The following RELL1 variants were observed in gnomAD, a reference collection of about 807,000 sequenced individuals.
RELL1 encodes RELT like 1, also known as RELT-like protein 1.
RELL1 carries 10 observed loss-of-function variants against 23.0 expected under a neutral mutation model. The ratio of observed to expected loss-of-function variants is 0.43; its 90% confidence interval spans 0.27 to 0.74. The LOEUF (loss-of-function observed/expected upper bound fraction) is 0.74, where lower values mean the gene tolerates loss of function less well. Ranked by LOEUF, RELL1 falls within the 30% of genes least tolerant of loss-of-function variation. The pLI, the probability that RELL1 is intolerant of heterozygous loss-of-function variation, is 0.19. For synonymous variants in RELL1, 146 were observed against 146.8 expected, an observed-to-expected ratio of 0.99 and a Z score of 0.04; for missense variants, 315 against 364.4, an observed-to-expected ratio of 0.86 and a Z score of 1.10.
intron 6 of RELL1, among the ~76,000 whole-genome samples, chr4:37,596,808 G>A (rs1386727327): frequency 7.7e-6 from 1 of 130,688 alleles, no homozygotes; most frequent in African/African-American, 2.9e-5. Context: ...GAGTGCAATG[G>A]CACGATCTTG....
chr4:37,605,818 A>AG (rs1236282094), downstream of RELL1, among the ~76,000 whole-genome samples: 1 of 122,086 alleles, frequency 8.2e-6, no homozygotes, highest in African/African-American at 2.6e-5. Context: ...AAAGAAAGAA[A>AG]GAAAGAAAGA....
downstream of RELL1, chr4:37,588,710 C>A: frequency 1.6e-6 from 1 of 626,910 alleles, no homozygotes; most frequent in South Asian, 1.9e-5. Flanking sequence ...CTCTGACCCA[C>A]GTGGTAGTTA....
At chr4:37,685,861 C>T (rs111311727) in intron 1 of RELL1, among the ~76,000 whole-genome samples, 5 of 152,380 alleles carry the variant, frequency 3.3e-5, no homozygotes, top group African/African-American at 1.2e-4. Flanking sequence ...GAAACGGGTC[C>T]GCGGGGTTCC....
chr4:37,634,676 C>T lies in RELL1; in HGVS notation c.680+211G>A, dbSNP rs562897931. Among the ~76,000 whole-genome samples the T allele has an allele frequency of 2.6e-5, 4 of 152,338 alleles. No homozygotes were observed. In the South Asian group the frequency reaches 8.3e-4, roughly 32 times the overall value. ...GAGCAGGTAGGTATTTATCTTAATA[C>T]ATTTACCATCTGATCTAGCAACAGC... On this transcript the variant is annotated intron_variant, in intron 5 of 6. Coordinates refer to ENST00000454158, the MANE Select transcript of RELL1 (RefSeq NM_001085400.2).
At chr4:37,600,274 A>C (rs1718980699) in intron 6 of RELL1, among the ~76,000 whole-genome samples, 1 of 151,798 alleles carries the variant, frequency 6.6e-6, no homozygotes, top group African/African-American at 2.4e-5. Context: ...CATCTCAAAA[A>C]AAAAAAAAAA....
intron 6 of RELL1, among the ~76,000 whole-genome samples, chr4:37,596,070 C>T (rs1445850865): frequency 4.6e-5 from 7 of 152,164 alleles, no homozygotes. Flanking sequence ...TGTTCAGAGG[C>T]CCTGCCCATG....
chr4:37,599,291 C>T (rs1365816981), intron 6 of RELL1, among the ~76,000 whole-genome samples: 1 of 152,070 alleles, frequency 6.6e-6, no homozygotes, highest in Non-Finnish European at 1.5e-5. Flanking sequence ...GGCCGCTGAA[C>T]GAGGAGATGG....
rs560239077 is a variant in RELL1 at position 37,686,355 on chromosome 4, G to A, written c.-68C>T. On this transcript the variant is annotated 5_prime_UTR_variant, in exon 1 of 7. Transcript: ENST00000454158. ...GCGCTCGGGAAGGCAGAGCCGCTCC[G>A]GAGCCGGCGGGCTGATCGAGTGGCT... 1.5e-4 allele frequency: 184 copies of A among 1,252,938 alleles called. 1 individual carries two copies. In the Admixed American group the frequency reaches 1.8e-3, roughly 12 times the overall value. 77.6% of individuals were successfully genotyped at this position (1,252,938 alleles called of 1,614,324 possible).
chr4:37,591,742 A>G (rs1208836007), intron 6 of RELL1: 1 of 152,248 alleles, frequency 6.6e-6, no homozygotes, highest in African/African-American at 2.4e-5. Flanking sequence ...TTGGATTTTA[A>G]GTTCATGACA....
chr4:37,637,176 G>A (rs957240831), intron 4 of RELL1, among the ~76,000 whole-genome samples: 2 of 152,212 alleles, frequency 1.3e-5, no homozygotes, highest in African/African-American at 4.8e-5. Context: ...CAGAACACCA[G>A]CCGTCTGTGG....
intron 6 of RELL1, among the ~76,000 whole-genome samples, chr4:37,625,743 A>G (rs1172838953): frequency 6.6e-6 from 1 of 152,216 alleles, no homozygotes; most frequent in East Asian, 1.9e-4. Flanking sequence ...GAAAAATGCT[A>G]AGAGAGATTT....
chr4:37,606,939 G>A (rs909885182), downstream of RELL1, among the ~76,000 whole-genome samples: 1 of 152,228 alleles, frequency 6.6e-6, no homozygotes, highest in Non-Finnish European at 1.5e-5. The surrounding 1 kb of genome is among the most constrained non-coding windows in gnomAD (Gnocchi z 4.1). Flanking sequence ...GGGCAATGAT[G>A]AAGATTGACA....
intron 1 of RELL1, among the ~76,000 whole-genome samples, chr4:37,676,256 A>C (rs1044185788): frequency 2.0e-5 from 3 of 152,184 alleles, no homozygotes; most frequent in African/African-American, 7.2e-5. Context: ...AAAGGCAGGT[A>C]CTGAGTCTAT....
chr4:37,608,727 T>C (rs907106000), downstream of RELL1, among the ~76,000 whole-genome samples: 4 of 151,720 alleles, frequency 2.6e-5, no homozygotes, highest in African/African-American at 9.7e-5. Context: ...ATCTCCCGGA[T>C]TCAAGTGATC....
intron 6 of RELL1, among the ~76,000 whole-genome samples, chr4:37,613,596 TTC>T (rs941751645): frequency 6.2e-4 from 95 of 152,258 alleles, no homozygotes; most frequent in African/African-American, 2.3e-3. Flanking sequence ...CCCTCCCCCT[TTC>T]TCTCTCTTGC....
At position 37,650,471 on chromosome 4, in the gene RELL1, G is replaced by C. The variant is rs557558426; in HGVS notation, c.89-971C>G. Reference sequence around the variant, plus strand: ...GCCATCTTGAGGCTCGTATATGATGGCATCAGAAACAGCCATTAAACAAGT... The same window carrying C: ...GCCATCTTGAGGCTCGTATATGATGCCATCAGAAACAGCCATTAAACAAGT... On this transcript the variant is annotated intron_variant, in intron 1 of 6. Coordinates refer to ENST00000454158, the MANE Select transcript of RELL1 (RefSeq NM_001085400.2). Among the ~76,000 whole-genome samples the C allele has an allele frequency of 9.7e-4, 147 of 152,284 alleles. 1 individual carries two copies. In the Middle Eastern group the frequency reaches 0.014, roughly 14 times the overall value.
At chr4:37,631,621 A>T in intron 5 of RELL1, 98 bp from the exon 6 acceptor site, 1 of 1,351,336 alleles carries the variant, frequency 7.4e-7, no homozygotes, top group Non-Finnish European at 1.0e-6. Flanking sequence ...TCTCAAATGA[A>T]CTCAGCCAAA....
intron 2 of RELL1, among the ~76,000 whole-genome samples, chr4:37,648,569 T>C (rs1183774184): frequency 3.3e-5 from 5 of 152,238 alleles, no homozygotes; most frequent in Non-Finnish European, 1.5e-5. Flanking sequence ...GAAACATCAG[T>C]GGCGAAAACA....
chr4:37,633,645 A>T (rs1392935398), intron 5 of RELL1, among the ~76,000 whole-genome samples: 1 of 152,170 alleles, frequency 6.6e-6, no homozygotes, highest in East Asian at 1.9e-4. Context: ...CTTCTCCATG[A>T]TGCTTGTGCA....
Sources: gnomAD v4.1 joint callset for allele counts (sites outside exome capture counted in the v4.1 genomes callset) on GRCh38, gnomAD v4.1.1 for gene constraint, Gnocchi (gnomAD v3.1) non-coding constraint, MANE v1.5 for transcripts, NCBI Gene and HGNC (gene_info 2026-07-23, HGNC 2026-07-21) for gene names.